PDGFC: variants seen among roughly 807,000 people sequenced by gnomAD.
The protein encoded by PDGFC is platelet-derived growth factor C.
PDGFC carries 12 observed loss-of-function variants against 35.5 expected under a neutral mutation model. That is an observed-to-expected ratio of 0.34 (90% CI 0.22 to 0.55). The LOEUF is 0.55. Among genes scored for constraint, PDGFC ranks in the 20% least tolerant of loss-of-function variants. PDGFC has a pLI of 0.91. For synonymous variants in PDGFC, 159 were observed against 148.8 expected (o/e 1.07, Z -0.50); for missense variants, 322 against 412.4 (o/e 0.78, Z 1.90).
chr4:156,866,764 T>A (rs868014369), intron 1 of PDGFC, among the ~76,000 whole-genome samples: 8 of 150,744 alleles, frequency 5.3e-5, no homozygotes, highest in Non-Finnish European at 7.4e-5. Flanking sequence ...ATATACACAA[T>A]CTAATTTTTT....
intron 1 of PDGFC, among the ~76,000 whole-genome samples, chr4:156,860,989 GA>G (rs1389681479): frequency 3.3e-5 from 5 of 152,008 alleles, no homozygotes; most frequent in South Asian, 2.1e-4. Flanking sequence ...AACAGACAAT[GA>G]AAAAATATAA....
At chr4:156,804,516 T>A (rs1272245963) in intron 3 of PDGFC, among the ~76,000 whole-genome samples, 1 of 151,978 alleles carries the variant, frequency 6.6e-6, no homozygotes, top group Non-Finnish European at 1.5e-5. Context: ...ATGACATCCC[T>A]CTGCTCTCCA....
chr4:156,963,981 CAA>C (rs199841240), intron 1 of PDGFC, among the ~76,000 whole-genome samples: 2,469 of 78,380 alleles, frequency 0.032, 62 homozygotes, highest in African/African-American at 0.1. Context: ...CGGTCTTGAC[CAA>C]AAAAAAAAAA....
chr4:156,887,379 T>G (rs991667090), intron 1 of PDGFC, among the ~76,000 whole-genome samples: 17 of 152,314 alleles, frequency 1.1e-4, no homozygotes, highest in Admixed American at 5.2e-4. Context: ...CCATTTTCAT[T>G]TGTAATTTTA....
At chr4:156,927,641 C>T (rs1268028970) in intron 1 of PDGFC, among the ~76,000 whole-genome samples, 1 of 152,128 alleles carries the variant, frequency 6.6e-6, no homozygotes, top group Admixed American at 6.5e-5. Context: ...AGTTCCTCAT[C>T]TCCATCTGAG....
chr4:156,828,227 G>A (rs560450390), intron 2 of PDGFC, among the ~76,000 whole-genome samples: 47 of 152,184 alleles, frequency 3.1e-4, no homozygotes, highest in Admixed American at 1.0e-3. Context: ...ATTTTGCAGC[G>A]CAAATCACAC....
chr4:156,798,767 A>G (rs1394517428), intron 3 of PDGFC, among the ~76,000 whole-genome samples: 1 of 152,208 alleles, frequency 6.6e-6, no homozygotes, highest in African/African-American at 2.4e-5. Context: ...CAGTGCTTGC[A>G]TATTTCTTTC....
At chr4:156,816,527 T>G (rs1011166643) in intron 2 of PDGFC, among the ~76,000 whole-genome samples, 2 of 152,132 alleles carry the variant, frequency 1.3e-5, no homozygotes, top group African/African-American at 4.8e-5. Context: ...ACAGACACTG[T>G]TTTTTCTTAG....
Position 156,942,200 on chromosome 4 carries a change from T to C in PDGFC, c.118+28586A>G, listed in dbSNP as rs116750064. Among the ~76,000 whole-genome samples the C allele has an allele frequency of 8.7e-3, 1,319 of 152,226 alleles. 9 individuals carry two copies. The highest frequency in any genetic ancestry group is 0.03 in the African/African-American group (1,244 of 41,564). On this transcript the variant is annotated intron_variant, in intron 1 of 5. Coordinates refer to ENST00000502773, the MANE Select transcript of PDGFC (RefSeq NM_016205.3). ...TCGTATTTACACAAGTATAAATACA[T>C]GCCATTCCTTTGTGCTCACAGGCGC...
intron 1 of PDGFC, among the ~76,000 whole-genome samples, chr4:156,873,127 T>C (rs1478521523): frequency 1.3e-5 from 2 of 152,112 alleles, no homozygotes; most frequent in Non-Finnish European, 2.9e-5. Flanking sequence ...TGTCTCAAAC[T>C]AAAAACATAA....
rs188170709 is a variant in PDGFC at position 156,779,777 on chromosome 4, C to A, written c.496-6884G>T. ...TCCCGTCATCATGAAACTGGAGAAC[C>A]ATTACTATCTAACCAGATTTACAAA... On this transcript the variant is annotated intron_variant, in intron 3 of 5. Coordinates refer to ENST00000502773, the MANE Select transcript of PDGFC (RefSeq NM_016205.3). 1.8e-4 allele frequency among the ~76,000 whole-genome samples: 27 copies of A among 152,294 alleles called. 1 individual carries two copies. The highest frequency in any genetic ancestry group is 1.3e-3 in the Admixed American group (20 of 15,300).
At chr4:156,787,875 A>T (rs1310651332) in intron 3 of PDGFC, among the ~76,000 whole-genome samples, 3 of 152,180 alleles carry the variant, frequency 2.0e-5, no homozygotes, top group Non-Finnish European at 4.4e-5. Context: ...CAGAGAAAAA[A>T]AATTACCATC....
chr4:156,878,722 G>C (rs545438548), intron 1 of PDGFC, among the ~76,000 whole-genome samples: 1 of 152,060 alleles, frequency 6.6e-6, no homozygotes, highest in East Asian at 1.9e-4. Flanking sequence ...GAGCATTTCA[G>C]ATGTAATACA....
intron 1 of PDGFC, among the ~76,000 whole-genome samples, chr4:156,931,144 G>A (rs970791843): frequency 1.3e-5 from 2 of 152,166 alleles, no homozygotes; most frequent in African/African-American, 2.4e-5. Context: ...AGCAAAAGGC[G>A]TGACAGCCTC....
At chr4:156,817,521 G>A (rs552509427) in intron 2 of PDGFC, among the ~76,000 whole-genome samples, 10 of 152,240 alleles carry the variant, frequency 6.6e-5, no homozygotes, top group Non-Finnish European at 1.0e-4. Context: ...AAAAAGTTAA[G>A]ATACTAATAA....
At chr4:156,843,218 T>C (rs1460039740) in intron 2 of PDGFC, among the ~76,000 whole-genome samples, 1 of 152,110 alleles carries the variant, frequency 6.6e-6, no homozygotes, top group East Asian at 1.9e-4. Flanking sequence ...CATTTAACAA[T>C]GGGAAGACAC....
intron 1 of PDGFC, among the ~76,000 whole-genome samples, chr4:156,963,890 T>C (rs960730318): frequency 6.6e-6 from 1 of 151,860 alleles, no homozygotes; most frequent in Admixed American, 6.6e-5. Context: ...TTGGGAACTT[T>C]GCAAACCAAA....
chr4:156,868,547 G>C (rs1348183862), intron 1 of PDGFC, among the ~76,000 whole-genome samples: 1 of 152,140 alleles, frequency 6.6e-6, no homozygotes, highest in Non-Finnish European at 1.5e-5. Flanking sequence ...ATATGTAAAA[G>C]CAACTCTCCC....
intron 1 of PDGFC, among the ~76,000 whole-genome samples, chr4:156,951,867 T>C (rs1467645366): frequency 6.6e-6 from 1 of 151,834 alleles, no homozygotes; most frequent in Non-Finnish European, 1.5e-5. Flanking sequence ...CTGAGCCATT[T>C]CAAGCATAAA....
Sources: gnomAD v4.1 joint callset for allele counts (sites outside exome capture counted in the v4.1 genomes callset) on GRCh38, gnomAD v4.1.1 for gene constraint, MANE v1.5 for transcripts, NCBI Gene and HGNC (gene_info 2026-07-23, HGNC 2026-07-21) for gene names.